The following DGKH variants were observed in gnomAD, a reference collection of about 807,000 sequenced individuals.
DGKH encodes diacylglycerol kinase eta, also known as DAG kinase eta.
Under a neutral mutation model 159.3 loss-of-function variants are expected in DGKH, and 90 were observed. The observed-to-expected ratio is 0.57, with a 90% CI of 0.48 to 0.67. The LOEUF (loss-of-function observed/expected upper bound fraction) is 0.67, where lower values mean the gene tolerates loss of function less well. Among genes scored for constraint, DGKH ranks in the 30% least tolerant of loss-of-function variants. The pLI is 0.00. For missense variants in DGKH, 1,181 were observed against 1,506.1 expected (o/e 0.78, Z 3.57); for synonymous variants, 536 against 553.8 (o/e 0.97, Z 0.45).
At chr13:42,084,255 A>AT (rs1003911258) in intron 1 of DGKH, among the ~76,000 whole-genome samples, 3 of 151,726 alleles carry the variant, frequency 2.0e-5, no homozygotes, top group East Asian at 1.9e-4. Flanking sequence ...TCACTTAAAA[A>AT]TTTTTTTTTG....
At chr13:42,177,764 C>T (rs780390569) in intron 12 of DGKH, among the ~76,000 whole-genome samples, 2 of 152,064 alleles carry the variant, frequency 1.3e-5, no homozygotes, top group Middle Eastern at 3.2e-3. Flanking sequence ...ATGTTTTCAT[C>T]GGTTTATGGG....
chr13:42,119,157 C>G (rs559638042), intron 1 of DGKH, among the ~76,000 whole-genome samples: 1 of 152,192 alleles, frequency 6.6e-6, no homozygotes, highest in Non-Finnish European at 1.5e-5. Context: ...CATCATATAA[C>G]TCTCCGGAAT....
intron 24 of DGKH, among the ~76,000 whole-genome samples, chr13:42,212,010 A>C (rs1406868679): frequency 2.0e-5 from 3 of 152,188 alleles, no homozygotes; most frequent in African/African-American, 7.2e-5. Flanking sequence ...CAGCCAAACG[A>C]TATGACACAT....
intron 21 of DGKH, among the ~76,000 whole-genome samples, chr13:42,207,122 TCTCCTTCCTTCCTTCCTTCC>T (rs1957517060): frequency 2.0e-5 from 1 of 49,592 alleles, no homozygotes; most frequent in Non-Finnish European, 4.6e-5. Flanking sequence ...TCTCTTTCTC[TCTCCTTCCTTCCTTCCTTCC>T]TTCCTTCCTT....
At chr13:42,224,385 T>G (rs1285373178) in intron 29 of DGKH, among the ~76,000 whole-genome samples, 1 of 152,194 alleles carries the variant, frequency 6.6e-6, no homozygotes, top group East Asian at 1.9e-4. Context: ...TCATATTGAT[T>G]CTAATGTCCA....
At chr13:42,085,754 T>TA (rs552715948) in intron 1 of DGKH, among the ~76,000 whole-genome samples, 1 of 152,316 alleles carries the variant, frequency 6.6e-6, no homozygotes, top group East Asian at 1.9e-4. Flanking sequence ...TAATTGTTTT[T>TA]AAAAAAATTA....
intron 3 of DGKH, among the ~76,000 whole-genome samples, chr13:42,150,397 A>G (rs1453559419): frequency 6.6e-6 from 1 of 152,212 alleles, no homozygotes; most frequent in African/African-American, 2.4e-5. Flanking sequence ...TAAAGCTGAA[A>G]GACCTGACTA....
At chr13:42,066,629 T>C (rs1882597559) in intron 1 of DGKH, 1 of 152,130 alleles carries the variant, frequency 6.6e-6, no homozygotes, top group Non-Finnish European at 1.5e-5. Context: ...AAAATTGGAG[T>C]TGCCCAATGT....
At chr13:42,141,080 G>C (rs1369243534) in intron 3 of DGKH, among the ~76,000 whole-genome samples, 1 of 111,098 alleles carries the variant, frequency 9.0e-6, no homozygotes, top group East Asian at 2.7e-4. Context: ...AGGCCCCAGT[G>C]CGTGATGTTC....
intron 9 of DGKH, among the ~76,000 whole-genome samples, chr13:42,167,021 A>C (rs964290754): frequency 3.9e-5 from 6 of 152,202 alleles, no homozygotes; most frequent in African/African-American, 1.4e-4. Context: ...TGATTTACAT[A>C]CAATATAAAT....
chr13:42,160,185 A>G (rs368280317), intron 7 of DGKH, 49 bp downstream of exon 7: 162 of 1,612,380 alleles, frequency 1.0e-4, no homozygotes, highest in Middle Eastern at 1.6e-4. Flanking sequence ...TTCTTTCCCT[A>G]ACTTTGTCAT....
In DGKH at chr13:42,221,325, C is replaced by T. The variant is rs975637764; in HGVS notation, c.3504C>T (p.Tyr1168=). 3.1e-6 allele frequency: 5 copies of T among 1,613,620 alleles called. No homozygotes were observed. The highest frequency in any genetic ancestry group is 4.2e-6 in the Non-Finnish European group (5 of 1,179,742). The stretch of plus-strand genomic sequence containing the variant: ...TGGATCTGCTCAATTTGGGAGAGTA[C>T]AAAGATATCTTCATCCGTCATGACA... The part of the protein sequence containing the change: ...AWLDLLNLGE[Y]KDIFIRHDIR... Residue 1168 remains tyrosine (Y), a synonymous_variant, in exon 29 of 30, where the codon TAC becomes TAT. Transcript: ENST00000337343.
intron 1 of DGKH, among the ~76,000 whole-genome samples, chr13:42,062,377 G>C (rs1201073994): frequency 6.6e-6 from 1 of 152,160 alleles, no homozygotes; most frequent in African/African-American, 2.4e-5. Flanking sequence ...AATAGGGCTA[G>C]AGGACTATGA....
In DGKH at chr13:42,239,457, C is replaced by G. The variant is rs74533714; in HGVS notation, c.*10269C>G. 2 of 152,526 alleles carry G rather than the reference C, an allele frequency of 1.3e-5. No homozygotes were observed. The highest frequency in any genetic ancestry group is 4.8e-5 in the African/African-American group (2 of 41,416). 9.4% of individuals were successfully genotyped at this position (152,526 alleles called of 1,614,324 possible). A position where few individuals can be genotyped will look rare whatever the true frequency, so the allele number is the denominator to read the frequency against. On this transcript the variant is annotated 3_prime_UTR_variant, in exon 30 of 30. Transcript: ENST00000337343. ...TGGCTTTGGATTTTGTAAGCAAAAG[C>G]ATTTTCTGCATCAATTTTTTTCAGT...
chr13:42,126,840 C>T (rs573049061), intron 1 of DGKH, among the ~76,000 whole-genome samples: 1 of 152,308 alleles, frequency 6.6e-6, no homozygotes, highest in African/African-American at 2.4e-5. Context: ...CGAGTTGATG[C>T]TTCCTTCTCT....
intron 1 of DGKH, among the ~76,000 whole-genome samples, chr13:42,097,662 G>C (rs563307525): frequency 6.6e-6 from 1 of 152,256 alleles, no homozygotes; most frequent in African/African-American, 2.4e-5. Flanking sequence ...CTTGCCCTCA[G>C]TTATTTTTGG....
intron 17 of DGKH, among the ~76,000 whole-genome samples, chr13:42,196,688 G>A (rs918424473): frequency 6.6e-6 from 1 of 152,156 alleles, no homozygotes; most frequent in South Asian, 2.1e-4. Flanking sequence ...TAACGAAAAG[G>A]TTTTAGAATT....
chr13:42,062,048 T>C (rs1446363452), intron 1 of DGKH, among the ~76,000 whole-genome samples: 1 of 151,410 alleles, frequency 6.6e-6, no homozygotes, highest in Non-Finnish European at 1.5e-5. Flanking sequence ...TAGACTCTCT[T>C]TGATAAGGTA....
chr13:42,069,107 T>A (rs1882786997), intron 1 of DGKH: 4 of 1,400,554 alleles, frequency 2.9e-6, no homozygotes, highest in Non-Finnish European at 3.0e-6. Flanking sequence ...CTCCTCACTG[T>A]TGTTCAGAAA....
Sources: gnomAD v4.1 joint callset for allele counts (sites outside exome capture counted in the v4.1 genomes callset) on GRCh38, gnomAD v4.1.1 for gene constraint, MANE v1.5 for transcripts, NCBI Gene and HGNC (gene_info 2026-07-23, HGNC 2026-07-21) for gene names.